Variants in RFPL1 observed in about 807,000 individuals in gnomAD.
RFPL1 encodes the protein ret finger protein-like 1.
In RFPL1, 6 loss-of-function variants were observed where a neutral mutation model predicts 9.6. That is an observed-to-expected ratio of 0.62 (90% CI 0.34 to 1.23). The LOEUF (loss-of-function observed/expected upper bound fraction) is 1.23, where lower values mean the gene tolerates loss of function less well. RFPL1 is among the 50% of genes most tolerant of loss of function. The pLI is 0.03. For missense variants in RFPL1, 352 were observed against 398.4 expected (o/e 0.88, Z 0.99); for synonymous variants, 145 against 149.4 (o/e 0.97, Z 0.22).
the RFPL1 span, among the ~76,000 whole-genome samples, chr22:29,404,627 TA>T: frequency 1.8e-3 from 271 of 152,186 alleles, no homozygotes; most frequent in African/African-American, 6.0e-3. Flanking sequence ...CTACCTCTTT[TA>T]AAAAAAATTT....
chr22:29,399,377 G>A, the RFPL1 span, among the ~76,000 whole-genome samples: 28 of 152,064 alleles, frequency 1.8e-4, no homozygotes, highest in African/African-American at 6.5e-4. Context: ...TTTTGTGTAC[G>A]TCTGTTGTTA....
chr22:29,420,630 TTTGC>T, the RFPL1 span, among the ~76,000 whole-genome samples: 13,148 of 39,400 alleles, frequency 0.33, 4,824 homozygotes, highest in African/African-American at 0.54. Context: ...CAGATGGTTT[TTTGC>T]TTTTTTTTTT....
At chr22:29,400,839 G>A in the RFPL1 span, among the ~76,000 whole-genome samples, 1 of 152,120 alleles carries the variant, frequency 6.6e-6, no homozygotes, top group Non-Finnish European at 1.5e-5. Flanking sequence ...TGCCTTCTTG[G>A]CAAAATATGG....
chr22:29,434,445 G>A, upstream of RFPL1: 1 of 157,574 alleles, frequency 6.3e-6, no homozygotes. Flanking sequence ...CAGTGGATAT[G>A]ACGTCAGATA....
chr22:29,421,324 C>G, the RFPL1 span, among the ~76,000 whole-genome samples: 1 of 152,138 alleles, frequency 6.6e-6, no homozygotes, highest in Non-Finnish European at 1.5e-5. Flanking sequence ...GTGGCACGTG[C>G]CTGTAGTCCC....
the RFPL1 span, among the ~76,000 whole-genome samples, chr22:29,431,409 T>C: frequency 6.6e-6 from 1 of 152,188 alleles, no homozygotes; most frequent in Non-Finnish European, 1.5e-5. Context: ...TTTTCCTTAA[T>C]CATAGTGTGG....
the RFPL1 span, among the ~76,000 whole-genome samples, chr22:29,425,610 T>TG: frequency 6.6e-6 from 1 of 152,150 alleles, no homozygotes; most frequent in Non-Finnish European, 1.5e-5. Flanking sequence ...CTCAAACTAG[T>TG]GAAAAAAAAT....
chr22:29,410,588 T>TAC, the RFPL1 span, among the ~76,000 whole-genome samples: 4 of 129,688 alleles, frequency 3.1e-5, no homozygotes, highest in Non-Finnish European at 6.5e-5. Context: ...TATATCTATC[T>TAC]ATATATAGAT....
the RFPL1 span, among the ~76,000 whole-genome samples, chr22:29,391,805 G>A: frequency 6.6e-6 from 1 of 152,218 alleles, no homozygotes; most frequent in East Asian, 1.9e-4. Flanking sequence ...GGAGCCAGGT[G>A]TCTGAGTCCT....
At chr22:29,404,029 G>A in the RFPL1 span, among the ~76,000 whole-genome samples, 3 of 151,818 alleles carry the variant, frequency 2.0e-5, no homozygotes, top group African/African-American at 7.3e-5. Context: ...TCTAGTAAGG[G>A]ACTAGTAAAA....
At chr22:29,427,466 A>G in the RFPL1 span, among the ~76,000 whole-genome samples, 3 of 152,194 alleles carry the variant, frequency 2.0e-5, no homozygotes, top group Non-Finnish European at 4.4e-5. Context: ...TCCTAACTGA[A>G]TAGGATTCTG....
At chr22:29,441,859 G>T in exon 2 of RFPL1, 2 of 1,613,892 alleles carry the variant, frequency 1.2e-6, no homozygotes, top group Non-Finnish European at 1.7e-6. Flanking sequence ...TGCCAGCACG[G>T]TGCCGCTGAC....
chr22:29,396,002 G>A, the RFPL1 span, among the ~76,000 whole-genome samples: 1 of 151,510 alleles, frequency 6.6e-6, no homozygotes, highest in Non-Finnish European at 1.5e-5. Context: ...TAAGAGAAAA[G>A]AGAAGAGAAG....
the RFPL1 span, among the ~76,000 whole-genome samples, chr22:29,419,816 AG>A: frequency 6.6e-6 from 1 of 151,402 alleles, no homozygotes; most frequent in African/African-American, 2.4e-5. Context: ...AAAAAAAAAA[AG>A]AAAAGAAAAA....
chr22:29,409,439 T>C, the RFPL1 span, among the ~76,000 whole-genome samples: 1 of 152,184 alleles, frequency 6.6e-6, no homozygotes. Flanking sequence ...CCAAGGAGAA[T>C]GGTCCAGCAA....
chr22:29,410,566 A>ATCTATC, the RFPL1 span, among the ~76,000 whole-genome samples: 2 of 91,852 alleles, frequency 2.2e-5, no homozygotes, highest in Non-Finnish European at 5.1e-5. Context: ...TTGTAGATAT[A>ATCTATC]TATATTGTAG....
the RFPL1 span, among the ~76,000 whole-genome samples, chr22:29,405,706 A>T: frequency 2.6e-5 from 4 of 152,160 alleles, no homozygotes; most frequent in South Asian, 8.3e-4. Context: ...CACTGTGGTA[A>T]CTCTGGGCAA....
At chr22:29,439,556 TG>T (rs556583451) in intron 1 of RFPL1, 12 of 186,938 alleles carry the variant, frequency 6.4e-5, no homozygotes, top group South Asian at 1.1e-4. Flanking sequence ...GGCGTTAACC[TG>T]GGGGGGGCGG....
the RFPL1 span, chr22:29,423,229 C>T: frequency 8.1e-7 from 1 of 1,231,000 alleles, no homozygotes; most frequent in East Asian, 2.3e-5. Flanking sequence ...CAGTTATGCT[C>T]CATCCCATCT....
Sources: gnomAD v4.1 joint callset for allele counts (sites outside exome capture counted in the v4.1 genomes callset) on GRCh38, gnomAD v4.1.1 for gene constraint, MANE v1.5 for transcripts, NCBI Gene and HGNC (gene_info 2026-07-23, HGNC 2026-07-21) for gene names.